BANF2: variants seen among roughly 807,000 people sequenced by gnomAD.
BANF2 encodes BANF family member 2.
BANF2 carries 4 observed loss-of-function variants against 8.0 expected under a neutral mutation model. That is an observed-to-expected ratio of 0.50 (90% CI 0.25 to 1.14). BANF2 has a LOEUF of 1.14. Ranked by LOEUF, BANF2 falls within the 50% of genes most tolerant of loss-of-function variation. The pLI, the probability that BANF2 is intolerant of heterozygous loss-of-function variation, is 0.16. For missense variants in BANF2, 96 were observed against 107.5 expected (o/e 0.89, Z 0.47); for synonymous variants, 50 against 40.6 (o/e 1.23, Z -0.88).
At chr20:17,704,367 G>A (rs117497022) in intron 1 of BANF2, among the ~76,000 whole-genome samples, 3,230 of 152,338 alleles carry the variant, frequency 0.021, 62 homozygotes, top group Middle Eastern at 0.058. Flanking sequence ...TCCAAGAGAC[G>A]TCAAAGCTGC....
intron 1 of BANF2, among the ~76,000 whole-genome samples, chr20:17,694,093 T>C (rs2037322256): frequency 6.6e-6 from 1 of 152,236 alleles, no homozygotes; most frequent in Non-Finnish European, 1.5e-5. Context: ...TAAGTACTTG[T>C]TCGTTCATTC....
intron 3 of BANF2, among the ~76,000 whole-genome samples, chr20:17,734,234 T>C (rs1323625878): frequency 2.0e-5 from 3 of 152,228 alleles, no homozygotes; most frequent in Non-Finnish European, 4.4e-5. Context: ...GAGAATGCCA[T>C]AAAAATAGAA....
chr20:17,697,591 C>G (rs2037356695), upstream of BANF2, among the ~76,000 whole-genome samples: 1 of 152,160 alleles, frequency 6.6e-6, no homozygotes, highest in South Asian at 2.1e-4. Context: ...TTGGGTTCCC[C>G]CTGAAGCAGA....
intron 1 of BANF2, among the ~76,000 whole-genome samples, chr20:17,702,144 C>T (rs1256744806): frequency 1.3e-5 from 2 of 152,194 alleles, no homozygotes; most frequent in Non-Finnish European, 2.9e-5. Flanking sequence ...CCAAGGAAAA[C>T]TTATGTCTCC....
At chr20:17,731,943 G>A (rs760489043) in intron 3 of BANF2, among the ~76,000 whole-genome samples, 2 of 151,668 alleles carry the variant, frequency 1.3e-5, no homozygotes, top group Non-Finnish European at 2.9e-5. Flanking sequence ...GCACGCACCC[G>A]TAGTCCCACC....
At chr20:17,697,192 A>T (rs904262886), upstream of BANF2, among the ~76,000 whole-genome samples, 1 of 152,168 alleles carries the variant, frequency 6.6e-6, no homozygotes, top group Non-Finnish European at 1.5e-5. Flanking sequence ...CCCCAAAAGC[A>T]TGAACAAGAG....
At chr20:17,701,583 G>C (rs542439011) in intron 1 of BANF2, among the ~76,000 whole-genome samples, 3 of 152,180 alleles carry the variant, frequency 2.0e-5, no homozygotes, top group African/African-American at 7.2e-5. Flanking sequence ...GATCAGCTGG[G>C]AGCTGGACCA....
chr20:17,728,067 G>A (rs2037834979), intron 3 of BANF2, among the ~76,000 whole-genome samples: 1 of 152,060 alleles, frequency 6.6e-6, no homozygotes, highest in Non-Finnish European at 1.5e-5. Flanking sequence ...ACATAATCCT[G>A]GCACAGGGAG....
chr20:17,723,335 G>A (rs2037759001), intron 2 of BANF2, among the ~76,000 whole-genome samples: 1 of 152,186 alleles, frequency 6.6e-6, no homozygotes, highest in African/African-American at 2.4e-5. Context: ...GTGTTTCTTT[G>A]GGGGAGAGGG....
chr20:17,710,065 T>A (rs1031453284), intron 1 of BANF2, among the ~76,000 whole-genome samples: 8 of 152,196 alleles, frequency 5.3e-5, no homozygotes, highest in Admixed American at 2.0e-4. Flanking sequence ...TGTCTGGATA[T>A]CACCTAATGT....
chr20:17,726,897 A>G (rs1378750433), intron 3 of BANF2, among the ~76,000 whole-genome samples: 1 of 152,258 alleles, frequency 6.6e-6, no homozygotes, highest in Non-Finnish European at 1.5e-5. Flanking sequence ...GGACACATGC[A>G]TGCAGTGATG....
chr20:17,717,400 T>C (rs2037670234), intron 1 of BANF2, among the ~76,000 whole-genome samples: 3 of 152,136 alleles, frequency 2.0e-5, no homozygotes, highest in Non-Finnish European at 2.9e-5. Context: ...GAGTTAACTA[T>C]GTAATAAAGT....
chr20:17,694,516 A>C (rs1388073801), intron 1 of BANF2, among the ~76,000 whole-genome samples: 1 of 145,892 alleles, frequency 6.9e-6, no homozygotes, highest in East Asian at 2.2e-4. Flanking sequence ...TAAGCCCTGG[A>C]TTTATTAATA....
At chr20:17,709,266 A>G (rs961234711) in intron 1 of BANF2, among the ~76,000 whole-genome samples, 5 of 152,112 alleles carry the variant, frequency 3.3e-5, no homozygotes, top group Non-Finnish European at 7.4e-5. Context: ...ACACCCTCCT[A>G]TCTGGAGACA....
intron 1 of BANF2, among the ~76,000 whole-genome samples, chr20:17,720,385 A>G (rs1163262562): frequency 6.6e-6 from 1 of 152,260 alleles, no homozygotes; most frequent in African/African-American, 2.4e-5. Flanking sequence ...TACATACAAT[A>G]GAATATAGTT....
chr20:17,706,147 CACAG>C (rs943176834), intron 1 of BANF2, among the ~76,000 whole-genome samples: 1 of 152,224 alleles, frequency 6.6e-6, no homozygotes, highest in Non-Finnish European at 1.5e-5. Context: ...GGAGAGTCAG[CACAG>C]ACAGACACCA....
At chr20:17,697,064 A>G (rs1015535717), upstream of BANF2, among the ~76,000 whole-genome samples, 2 of 152,178 alleles carry the variant, frequency 1.3e-5, no homozygotes, top group African/African-American at 4.8e-5. Flanking sequence ...TAATCCTACC[A>G]CAGTGCAGGT....
chr20:17,709,719 T>G (rs1233550344), intron 1 of BANF2, among the ~76,000 whole-genome samples: 1 of 152,214 alleles, frequency 6.6e-6, no homozygotes, highest in Non-Finnish European at 1.5e-5. Context: ...CCACTCGGTT[T>G]GAGGCCTGGC....
At chr20:17,710,525 C>T (rs545157841) in intron 1 of BANF2, among the ~76,000 whole-genome samples, 2 of 152,330 alleles carry the variant, frequency 1.3e-5, no homozygotes, top group Middle Eastern at 3.4e-3. Flanking sequence ...CCCCCTTACT[C>T]GCCAGCTCAA....
Sources: gnomAD v4.1 joint callset for allele counts (sites outside exome capture counted in the v4.1 genomes callset) on GRCh38, gnomAD v4.1.1 for gene constraint, MANE v1.5 for transcripts, NCBI Gene and HGNC (gene_info 2026-07-23, HGNC 2026-07-21) for gene names.